The following PDGFC variants were observed in gnomAD, a reference collection of about 807,000 sequenced individuals.
PDGFC encodes the protein platelet derived growth factor C.
Under a neutral mutation model 35.5 loss-of-function variants are expected in PDGFC, and 12 were observed. That is an observed-to-expected ratio of 0.34 (90% confidence interval 0.22 to 0.55). The LOEUF (loss-of-function observed/expected upper bound fraction) is 0.55. PDGFC is among the 20% of genes least tolerant of loss of function. PDGFC has a pLI of 0.91. For missense variants in PDGFC, 322 were observed against 412.4 expected, an observed-to-expected ratio of 0.78 and a Z score of 1.90; for synonymous variants, 159 against 148.8, an observed-to-expected ratio of 1.07 and a Z score of -0.50.
Position 156,902,397 on chromosome 4 carries a change from C to T in PDGFC, c.119-51981G>A, listed in dbSNP as rs926244408. 2.6e-5 allele frequency among the ~76,000 whole-genome samples: 4 copies of T among 152,066 alleles called. No individual in the cohort carries two copies. In the East Asian group the frequency reaches 5.8e-4, roughly 22 times the overall value. On this transcript the variant is annotated intron_variant, in intron 1 of 5. Transcript: ENST00000502773. ...GAAGACCCTGTTTCCTTTCACAATC[C>T]TGTATCCCTCCTTACCTCCTCAGAG...
rs1227867007 is a variant in PDGFC at position 156,825,584 on chromosome 4, TAATAATAATAAGAAGAAGAAGAAG to T, written c.315-14591_315-14568del. ...ATAATAATAATAATAATAATAATAA[TAATAATAATAAGAAGAAGAAGAAG>T]AAGAAGAAGAAGAAGAAGAAGAAGA... On this transcript the variant is annotated intron_variant, in intron 2 of 5. Coordinates refer to ENST00000502773, the MANE Select transcript of PDGFC (RefSeq NM_016205.3). Among the ~76,000 whole-genome samples, 777 of 90,082 alleles carry T rather than the reference TAATAATAATAAGAAGAAGAAGAAG, an allele frequency of 8.6e-3. 5 individuals are homozygous for T. Among genetic ancestry groups the T allele is most frequent in the East Asian group, 0.016 (48 of 3,008 alleles). The allele number at this position is 90,082 out of a possible 152,430, so 59.1% of individuals were successfully genotyped here.
At chr4:156,848,131 TA>T (rs142999443) in intron 2 of PDGFC, among the ~76,000 whole-genome samples, 8,956 of 151,886 alleles carry the variant, frequency 0.059, 374 homozygotes, top group Middle Eastern at 0.12. Context: ...GCAGGCATGA[TA>T]AAAAGGTAAT....
chr4:156,771,210 G>A (rs1283699472), intron 4 of PDGFC, among the ~76,000 whole-genome samples: 4 of 152,152 alleles, frequency 2.6e-5, no homozygotes, highest in Non-Finnish European at 4.4e-5. Flanking sequence ...TTGAGCACCA[G>A]GCGTACATTT....
intron 1 of PDGFC, among the ~76,000 whole-genome samples, chr4:156,960,397 G>A (rs1732315598): frequency 6.6e-6 from 1 of 150,910 alleles, no homozygotes; most frequent in Admixed American, 6.6e-5. Flanking sequence ...TACAATACAA[G>A]AGACTAGACC....
intron 1 of PDGFC, among the ~76,000 whole-genome samples, chr4:156,881,867 C>T (rs190456421): frequency 2.6e-5 from 4 of 151,336 alleles, no homozygotes; most frequent in Admixed American, 2.6e-4. Context: ...CTTACATAAG[C>T]TCTCTGTCTC....
At chr4:156,768,944 T>C (rs1730616396) in intron 4 of PDGFC, among the ~76,000 whole-genome samples, 1 of 151,982 alleles carries the variant, frequency 6.6e-6, no homozygotes, top group African/African-American at 2.4e-5. Context: ...ATCACATGAA[T>C]AGTAGGTAAT....
chr4:156,925,127 G>A (rs1731376221), intron 1 of PDGFC, among the ~76,000 whole-genome samples: 1 of 152,188 alleles, frequency 6.6e-6, no homozygotes. Flanking sequence ...CAGACAAGCT[G>A]GAGCTCCATG....
At chr4:156,776,757 C>T (rs1730840183) in intron 3 of PDGFC, among the ~76,000 whole-genome samples, 1 of 152,158 alleles carries the variant, frequency 6.6e-6, no homozygotes, top group East Asian at 1.9e-4. Context: ...AATGAGAGAA[C>T]TACGATCAGG....
At chr4:156,854,346 G>T (rs754595513) in intron 1 of PDGFC, among the ~76,000 whole-genome samples, 1 of 151,946 alleles carries the variant, frequency 6.6e-6, no homozygotes, top group African/African-American at 2.4e-5. Flanking sequence ...GTCATAAAGC[G>T]CATGGCTAAA....
At chr4:156,925,125 C>G (rs1731376165) in intron 1 of PDGFC, among the ~76,000 whole-genome samples, 1 of 152,174 alleles carries the variant, frequency 6.6e-6, no homozygotes, top group Non-Finnish European at 1.5e-5. Context: ...GCCAGACAAG[C>G]TGGAGCTCCA....
chr4:156,930,020 A>G (rs956333122), intron 1 of PDGFC, among the ~76,000 whole-genome samples: 3 of 152,236 alleles, frequency 2.0e-5, no homozygotes, highest in African/African-American at 7.2e-5. Context: ...GATTTAAGCT[A>G]AATGAACTGG....
rs964441116 is a variant in PDGFC, at chr4:156,844,451, T to C, written c.314+5770A>G. On this transcript the variant is annotated intron_variant, in intron 2 of 5. Transcript: ENST00000502773. ...AAGTAATAGAATAGAATCCAAAATATCCATACAAACAATCCACGTACTAGA... is the reference window on the plus strand; with the variant it reads ...AAGTAATAGAATAGAATCCAAAATACCCATACAAACAATCCACGTACTAGA... Among the ~76,000 whole-genome samples, 62 of 151,850 alleles carry C rather than the reference T, an allele frequency of 4.1e-4. 2 individuals carry two copies. The highest frequency in any genetic ancestry group is 2.4e-3 in the Admixed American group (36 of 15,242).
chr4:156,788,949 A>G (rs1346670488), intron 3 of PDGFC, among the ~76,000 whole-genome samples: 1 of 152,190 alleles, frequency 6.6e-6, no homozygotes, highest in Non-Finnish European at 1.5e-5. Flanking sequence ...ACTGCTATTC[A>G]TAATTTAGGA....
intron 1 of PDGFC, among the ~76,000 whole-genome samples, chr4:156,897,819 T>C (rs994390248): frequency 6.6e-6 from 1 of 152,214 alleles, no homozygotes; most frequent in African/African-American, 2.4e-5. Context: ...AGAGCCCCTT[T>C]AACTCTTCAT....
intron 1 of PDGFC, among the ~76,000 whole-genome samples, chr4:156,885,190 C>G (rs1373475481): frequency 6.6e-6 from 1 of 151,320 alleles, no homozygotes; most frequent in Non-Finnish European, 1.5e-5. Context: ...CACACTTTAC[C>G]TAAGCATTTA....
At chr4:156,830,346 C>T (rs111822875) in intron 2 of PDGFC, among the ~76,000 whole-genome samples, 24 of 151,714 alleles carry the variant, frequency 1.6e-4, no homozygotes, top group South Asian at 4.2e-4. Flanking sequence ...TGAGAACTTA[C>T]GCACCTCAAA....
At chr4:156,779,193 T>C (rs1465926282) in intron 3 of PDGFC, 1 of 456,192 alleles carries the variant, frequency 2.2e-6, no homozygotes, top group Non-Finnish European at 4.4e-6. Context: ...AAACAATTCA[T>C]TTAAACACGC....
intron 1 of PDGFC, among the ~76,000 whole-genome samples, chr4:156,913,093 C>T (rs567233012): frequency 6.6e-6 from 1 of 152,116 alleles, no homozygotes; most frequent in East Asian, 1.9e-4. Context: ...CTTGTTACCC[C>T]CTTCTTCTTC....
At chr4:156,877,267 C>A (rs1730137673) in intron 1 of PDGFC, among the ~76,000 whole-genome samples, 1 of 146,184 alleles carries the variant, frequency 6.8e-6, no homozygotes, top group Non-Finnish European at 1.5e-5. Context: ...CGGAAATAAT[C>A]CAATTTTACT....
Sources: gnomAD v4.1 joint callset for allele counts (sites outside exome capture counted in the v4.1 genomes callset) on GRCh38, gnomAD v4.1.1 for gene constraint, MANE v1.5 for transcripts, NCBI Gene and HGNC (gene_info 2026-07-23, HGNC 2026-07-21) for gene names.